The following CSMD1 variants were observed in gnomAD, a reference collection of about 807,000 sequenced individuals.
CSMD1 encodes the protein CUB and Sushi multiple domains 1.
A neutral mutation model predicts 417.5 loss-of-function variants in CSMD1; 213 were observed. The ratio of observed to expected loss-of-function variants is 0.51; its 90% CI spans 0.46 to 0.57. CSMD1 has a LOEUF of 0.57. Ranked by LOEUF, CSMD1 falls within the 20% of genes least tolerant of loss-of-function variation. The pLI is 0.00. For missense variants in CSMD1, 6,923 were observed against 4,529.7 expected, an observed-to-expected ratio of 1.53 and a Z score of -15.17; for synonymous variants, 2,862 against 1,736.8, an observed-to-expected ratio of 1.65 and a Z score of -16.11.
At chr8:2,994,208 A>G (rs74726699) in intron 54 of CSMD1, among the ~76,000 whole-genome samples, 8,594 of 149,854 alleles carry the variant, frequency 0.057, 390 homozygotes, top group African/African-American at 0.12. Flanking sequence ...GAAGAAAGAA[A>G]GTAAGAAAAC....
intron 3 of CSMD1, among the ~76,000 whole-genome samples, chr8:4,071,366 G>T (rs1256925320): frequency 6.6e-6 from 1 of 151,458 alleles, no homozygotes; most frequent in African/African-American, 2.4e-5. Flanking sequence ...ATGTCATTTT[G>T]TATCTGTTAA....
intron 10 of CSMD1, among the ~76,000 whole-genome samples, chr8:3,573,204 T>C (rs1800013680): frequency 6.6e-6 from 1 of 152,206 alleles, no homozygotes; most frequent in Admixed American, 6.5e-5. Flanking sequence ...TTATCTGTTT[T>C]TCACAACTAT....
At chr8:4,603,835 A>C (rs1047989395) in intron 2 of CSMD1, among the ~76,000 whole-genome samples, 3 of 152,172 alleles carry the variant, frequency 2.0e-5, no homozygotes, top group African/African-American at 7.2e-5. Flanking sequence ...TTAAATATTG[A>C]AGAATGATTT....
intron 5 of CSMD1, among the ~76,000 whole-genome samples, chr8:3,841,784 G>C (rs1413740450): frequency 1.3e-5 from 2 of 151,964 alleles, no homozygotes; most frequent in Non-Finnish European, 2.9e-5. Context: ...ATGAAAATTA[G>C]TAAATACGTG....
chr8:4,400,801 C>T (rs1272485525), intron 3 of CSMD1, among the ~76,000 whole-genome samples: 1 of 146,666 alleles, frequency 6.8e-6, no homozygotes, highest in Non-Finnish European at 1.5e-5. Context: ...TATTGATGAG[C>T]TCATGCTTTT....
intron 3 of CSMD1, among the ~76,000 whole-genome samples, chr8:4,183,546 G>A (rs1419310438): frequency 6.6e-6 from 1 of 152,098 alleles, no homozygotes; most frequent in Admixed American, 6.6e-5. Flanking sequence ...AATATGATAA[G>A]TCAGAGACAG....
intron 10 of CSMD1, among the ~76,000 whole-genome samples, chr8:3,534,852 A>T (rs941950817): frequency 6.6e-6 from 1 of 152,208 alleles, no homozygotes; most frequent in Admixed American, 6.5e-5. Context: ...TCTTTTGCCT[A>T]GATGTATTCA....
intron 10 of CSMD1, among the ~76,000 whole-genome samples, chr8:3,502,504 C>A (rs553605044): frequency 5.3e-5 from 8 of 152,200 alleles, no homozygotes; most frequent in Non-Finnish European, 1.0e-4. Flanking sequence ...TGTGGTATAT[C>A]CAGACAGTGG....
chr8:3,171,428 G>A (rs1020631028), intron 37 of CSMD1, among the ~76,000 whole-genome samples: 1 of 152,132 alleles, frequency 6.6e-6, no homozygotes, highest in Non-Finnish European at 1.5e-5. Context: ...CATGTCTAAA[G>A]TCCACTCCCC....
intron 33 of CSMD1, among the ~76,000 whole-genome samples, chr8:3,196,801 T>A (rs1161222608): frequency 6.6e-6 from 1 of 152,102 alleles, no homozygotes; most frequent in Non-Finnish European, 1.5e-5. Flanking sequence ...GACCAGTGAG[T>A]TGTGAGAGTT....
At chr8:3,620,674 A>T (rs924230851) in intron 7 of CSMD1, among the ~76,000 whole-genome samples, 2 of 152,158 alleles carry the variant, frequency 1.3e-5, no homozygotes, top group African/African-American at 4.8e-5. Context: ...TAAAAAAGAA[A>T]AGAGAAGACA....
intron 11 of CSMD1, among the ~76,000 whole-genome samples, chr8:3,470,434 C>T (rs899887529): frequency 2.0e-5 from 3 of 152,162 alleles, no homozygotes; most frequent in African/African-American, 7.2e-5. Context: ...TACCTAGTTT[C>T]CCCGAGTGGT....
intron 3 of CSMD1, among the ~76,000 whole-genome samples, chr8:4,330,910 G>C (rs1175101696): frequency 1.3e-5 from 2 of 151,976 alleles, no homozygotes; most frequent in African/African-American, 4.8e-5. Context: ...TGTATGCCCA[G>C]CACCCTACAT....
chr8:3,365,850 C>T (rs1809529333), intron 20 of CSMD1, among the ~76,000 whole-genome samples: 1 of 152,186 alleles, frequency 6.6e-6, no homozygotes, highest in African/African-American at 2.4e-5. Flanking sequence ...GATCCCCGCA[C>T]AGTGGAACAT....
At chr8:4,196,072 G>T (rs569316310) in intron 3 of CSMD1, among the ~76,000 whole-genome samples, 2 of 152,066 alleles carry the variant, frequency 1.3e-5, no homozygotes, top group Non-Finnish European at 2.9e-5. Flanking sequence ...TTAGCCGGGC[G>T]TGGTGACGGG....
intron 5 of CSMD1, among the ~76,000 whole-genome samples, chr8:3,974,208 G>C (rs538288736): frequency 3.0e-4 from 45 of 151,976 alleles, no homozygotes; most frequent in Admixed American, 5.9e-4. Flanking sequence ...TCAAAGCCAG[G>C]AAACCTTTCA....
At chr8:3,941,102 G>T (rs1363154562) in intron 5 of CSMD1, among the ~76,000 whole-genome samples, 3 of 151,796 alleles carry the variant, frequency 2.0e-5, no homozygotes, top group African/African-American at 4.8e-5. Flanking sequence ...TATCATTTAT[G>T]CTAGAAAATA....
intron 1 of CSMD1, among the ~76,000 whole-genome samples, chr8:4,704,532 A>G (rs1807794491): frequency 1.3e-5 from 2 of 152,200 alleles, no homozygotes; most frequent in Non-Finnish European, 2.9e-5. Flanking sequence ...TTTCAGTGCC[A>G]TTATACAGAA....
At chr8:4,599,651 A>G (rs1800479954) in intron 2 of CSMD1, among the ~76,000 whole-genome samples, 1 of 152,126 alleles carries the variant, frequency 6.6e-6, no homozygotes, top group South Asian at 2.1e-4. Flanking sequence ...ACATTTGGTT[A>G]TTTGTAGGAA....
Sources: gnomAD v4.1 joint callset for allele counts (sites outside exome capture counted in the v4.1 genomes callset) on GRCh38, gnomAD v4.1.1 for gene constraint, MANE v1.5 for transcripts, NCBI Gene and HGNC (gene_info 2026-07-23, HGNC 2026-07-21) for gene names.